The following GBE1 variants were observed in gnomAD, a reference collection of about 807,000 sequenced individuals.
GBE1 encodes the protein 1,4-alpha-glucan-branching enzyme.
GBE1 carries 70 observed loss-of-function variants against 88.8 expected under a neutral mutation model. The ratio of observed to expected loss-of-function variants is 0.79; its 90% CI spans 0.65 to 0.96. The LOEUF (loss-of-function observed/expected upper bound fraction) is 0.96, where lower values mean the gene tolerates loss of function less well. Ranked by LOEUF, GBE1 falls within the 40% of genes least tolerant of loss-of-function variation. The pLI is 0.00. For synonymous variants in GBE1, 284 were observed against 300.1 expected, an observed-to-expected ratio of 0.95 and a Z score of 0.56; for missense variants, 872 against 871.0, an observed-to-expected ratio of 1.00 and a Z score of -0.01.
At chr3:81,728,612 A>G (rs1419936288) in intron 1 of GBE1, among the ~76,000 whole-genome samples, 1 of 152,130 alleles carries the variant, frequency 6.6e-6, no homozygotes, top group East Asian at 1.9e-4. Context: ...CAACAAAAAT[A>G]TATTCTAATT....
At chr3:81,492,686 T>C (rs1702452659) in intron 15 of GBE1, among the ~76,000 whole-genome samples, 1 of 143,734 alleles carries the variant, frequency 7.0e-6, no homozygotes, top group African/African-American at 2.6e-5. Context: ...CATTCTCCCT[T>C]TCTCCCTTTC....
At chr3:81,597,289 C>T (rs976188180) in intron 7 of GBE1, among the ~76,000 whole-genome samples, 4 of 151,562 alleles carry the variant, frequency 2.6e-5, no homozygotes, top group Admixed American at 6.6e-5. Context: ...TGCGTTCCAA[C>T]AGACAAGCCA....
intron 1 of GBE1, among the ~76,000 whole-genome samples, chr3:81,715,936 A>C (rs529374641): frequency 6.6e-6 from 1 of 152,342 alleles, no homozygotes; most frequent in Non-Finnish European, 1.5e-5. Context: ...AGAAAACTTA[A>C]AACATGAAAA....
At chr3:81,632,245 T>C (rs1205871378) in intron 7 of GBE1, among the ~76,000 whole-genome samples, 3 of 152,210 alleles carry the variant, frequency 2.0e-5, no homozygotes, top group Non-Finnish European at 4.4e-5. Context: ...GTCTTTGCTA[T>C]TGTGAATAGT....
chr3:81,752,319 T>C (rs908553860), intron 1 of GBE1, among the ~76,000 whole-genome samples: 1 of 152,206 alleles, frequency 6.6e-6, no homozygotes, highest in Non-Finnish European at 1.5e-5. Flanking sequence ...TATGCTGCTA[T>C]TATATATTTT....
intron 7 of GBE1, among the ~76,000 whole-genome samples, chr3:81,607,496 C>G (rs774874693): frequency 3.3e-5 from 5 of 152,020 alleles, no homozygotes; most frequent in Non-Finnish European, 5.9e-5. Flanking sequence ...TTACAGTGAG[C>G]CAAGATTGAG....
rs768017652 is a variant in GBE1, at chr3:81,761,535, G to A, written c.-18C>T. 5.2e-6 allele frequency: 8 copies of A among 1,542,532 alleles called. No individual in the cohort carries two copies. The highest frequency in any genetic ancestry group is 8.7e-7 in the Non-Finnish European group (1 of 1,153,552). On this transcript the variant is annotated 5_prime_UTR_variant, in exon 1 of 16. Coordinates refer to ENST00000429644, the MANE Select transcript of GBE1 (RefSeq NM_000158.4). ...GCCGCCATATTCCGCCGCAGTCCAA[G>A]TAGCCGAGGCCCGAGAGGTCGAGTG...
At chr3:81,649,711 C>T in intron 4 of GBE1, 85 bp downstream of exon 4, 1 of 1,104,670 alleles carries the variant, frequency 9.1e-7, no homozygotes. Context: ...AAGCATTGAA[C>T]ATTACTATAA....
chr3:81,741,002 A>G (rs778739701), intron 1 of GBE1, among the ~76,000 whole-genome samples: 4 of 152,192 alleles, frequency 2.6e-5, no homozygotes, highest in Non-Finnish European at 4.4e-5. Context: ...CAGAGCCAAC[A>G]TAAGTCATAC....
intron 12 of GBE1, among the ~76,000 whole-genome samples, chr3:81,551,516 T>C (rs1703271501): frequency 6.6e-6 from 1 of 152,176 alleles, no homozygotes; most frequent in African/African-American, 2.4e-5. Context: ...GCATATCTGA[T>C]TGCCTCCCTT....
chr3:81,750,655 A>ATATATACGTATATATATATATATG (rs1553696635), intron 1 of GBE1, among the ~76,000 whole-genome samples: 1 of 54,676 alleles, frequency 1.8e-5, no homozygotes, highest in African/African-American at 1.4e-4. Flanking sequence ...GTATATATAT[A>ATATATACGTATATATATATATATG]TATGTATATA....
At chr3:81,569,211 C>T (rs1703537383) in intron 12 of GBE1, among the ~76,000 whole-genome samples, 1 of 151,606 alleles carries the variant, frequency 6.6e-6, no homozygotes, top group African/African-American at 2.4e-5. Context: ...GACATTAGCA[C>T]TAATAAGGGT....
Position 81,696,317 on chromosome 3 carries a change from C to T in GBE1, c.313+9127G>A, listed in dbSNP as rs948314222. On this transcript the variant is annotated intron_variant, in intron 2 of 15. Transcript: ENST00000429644. ...GACAGATTTACCACATTTCTGTAAA[C>T]CTCTCCACAATGCAAAACGATACTC... 3.9e-5 allele frequency among the ~76,000 whole-genome samples: 6 copies of T among 152,280 alleles called. No individual in the cohort carries two copies. The East Asian group carries it at 1.2e-3, about 29-fold the overall frequency.
intron 12 of GBE1, among the ~76,000 whole-genome samples, chr3:81,542,183 A>G (rs1429824956): frequency 6.6e-6 from 1 of 152,140 alleles, no homozygotes; most frequent in Non-Finnish European, 1.5e-5. Flanking sequence ...GAAATTTAAA[A>G]TGAGCATTTT....
chr3:81,691,675 A>T (rs1403397408), intron 2 of GBE1, among the ~76,000 whole-genome samples: 3 of 152,064 alleles, frequency 2.0e-5, no homozygotes, highest in African/African-American at 7.2e-5. Flanking sequence ...GCTACTCTGG[A>T]AGCTGAGGCA....
chr3:81,589,526 AT>A (rs1703847523), intron 9 of GBE1, among the ~76,000 whole-genome samples: 2 of 151,774 alleles, frequency 1.3e-5, no homozygotes, highest in African/African-American at 4.8e-5. Context: ...AAAAAAAAAA[AT>A]CTAAAACCAA....
chr3:81,711,296 G>A (rs866586787), intron 1 of GBE1, among the ~76,000 whole-genome samples: 19 of 152,264 alleles, frequency 1.2e-4, no homozygotes, highest in Non-Finnish European at 2.1e-4. Context: ...CCTATGGGAG[G>A]CTTGGATTAG....
intron 3 of GBE1, among the ~76,000 whole-genome samples, chr3:81,668,229 G>A (rs1431242915): frequency 6.6e-6 from 1 of 152,074 alleles, no homozygotes; most frequent in East Asian, 1.9e-4. Context: ...TGGGGGTGAA[G>A]GGAGGGAACT....
chr3:81,761,295 G>T, intron 1 of GBE1, 80 bp downstream of exon 1: 1 of 1,506,978 alleles, frequency 6.6e-7, no homozygotes, highest in African/African-American at 1.4e-5. Context: ...CGCGAGGGCC[G>T]AGGGGCGGCC....
Sources: allele counts gnomAD v4.1 joint callset (sites outside exome capture counted in the v4.1 genomes callset), GRCh38; gene constraint gnomAD v4.1.1; transcripts MANE v1.5; gene names NCBI Gene and HGNC (gene_info 2026-07-23, HGNC 2026-07-21).